The following IDH1 variants were observed in gnomAD, a reference collection of about 807,000 sequenced individuals.
The protein encoded by IDH1 is isocitrate dehydrogenase (NADP(+)) 1.
Under a neutral mutation model 46.1 loss-of-function variants are expected in IDH1, and 33 were observed. That is an observed-to-expected ratio of 0.72 (90% CI 0.54 to 0.96). The LOEUF (loss-of-function observed/expected upper bound fraction) is 0.96. IDH1 is among the 40% of genes least tolerant of loss of function. The pLI, the probability that IDH1 is intolerant of heterozygous loss-of-function variation, is 0.00. For synonymous variants in IDH1, 144 were observed against 172.8 expected (o/e 0.83, Z 1.31); for missense variants, 421 against 515.7 (o/e 0.82, Z 1.78).
At chr2:208,241,903 T>G (rs1338960067) in intron 7 of IDH1, 91 bp downstream of exon 7, 3 of 1,343,580 alleles carry the variant, frequency 2.2e-6, no homozygotes, top group Non-Finnish European at 3.2e-6. Flanking sequence ...TTCCAAGATT[T>G]TACAACAAAG....
rs373716006 is a variant in IDH1, at chr2:208,237,212, A to C, written c.1155-43T>G. On this transcript the variant is annotated intron_variant, in intron 9 of 9. Transcript: ENST00000345146. ...AAAAAGAAAATTTAGTTGGTCTCTGATATGGTAGCAGGTAGTGGTAAAGTC... is the reference window on the plus strand; with the variant it reads ...AAAAAGAAAATTTAGTTGGTCTCTGCTATGGTAGCAGGTAGTGGTAAAGTC... The C allele has an allele frequency of 6.9e-6, 7 of 1,021,818 alleles. No homozygotes were observed. The African/African-American group carries it at 9.5e-5, about 14-fold the overall frequency. 63.3% of individuals were successfully genotyped at this position (1,021,818 alleles called of 1,614,324 possible). A position where few individuals can be genotyped will look rare whatever the true frequency, so the allele number is the denominator to read the frequency against.
intron 4 of IDH1, among the ~76,000 whole-genome samples, chr2:208,246,385 T>C (rs553278475): frequency 6.6e-6 from 1 of 152,232 alleles, no homozygotes. Context: ...GAGCAGTAAG[T>C]AACAATAAAG....
intron 4 of IDH1, among the ~76,000 whole-genome samples, chr2:208,245,783 C>CT (rs1248545198): frequency 2.6e-5 from 1 of 38,274 alleles, no homozygotes; most frequent in African/African-American, 6.0e-5. Flanking sequence ...TATTAGACCC[C>CT]CCCCCCAAAA....
Position 208,237,156 on chromosome 2 carries a change from CAG to C in IDH1, c.1166_1167del (p.Ser389Ter). The C allele has an allele frequency of 6.3e-7, 1 of 1,593,100 alleles. No homozygotes were observed. ...CIKGLPNVQRSDYLNTFEFMD... is the reference protein window; with the variant it reads ...CIKGLPNVQRXDYLNTFEFMD... ...ATGAACTCAAATGTATTCAAGTAGTCAGAACGTTGCACACTAACGGGAAGGAA... is the reference window on the plus strand; with the variant it reads ...ATGAACTCAAATGTATTCAAGTAGTCAACGTTGCACACTAACGGGAAGGAA... On this transcript the variant is annotated frameshift_variant, in exon 10 of 10. Coordinates refer to ENST00000345146, the MANE Select transcript of IDH1 (RefSeq NM_005896.4). LOFTEE classifies it high-confidence loss of function.
intron 3 of IDH1, 129 bp from the exon 4 acceptor site, chr2:208,248,789 G>A: frequency 1.2e-6 from 1 of 800,248 alleles, no homozygotes; most frequent in Non-Finnish European, 2.1e-6. Flanking sequence ...AATCTGCCAA[G>A]TTTTAGCACT....
rs2124843376 is a variant in IDH1, at chr2:208,236,633, A to C, written c.*446T>G. On this transcript the variant is annotated 3_prime_UTR_variant, in exon 10 of 10. Transcript: ENST00000345146. ...CAAGTTTAATGCACAGCTCTACCTC[A>C]CAAAACGGGATATCTATGACACCAG... 3.8e-6 allele frequency: 1 copy of C among 262,060 alleles called. No individual in the cohort carries two copies. The highest frequency in any genetic ancestry group is 1.1e-4 in the South Asian group (1 of 9,346). The allele number at this position is 262,060 out of a possible 1,614,324, so 16.2% of individuals were successfully genotyped here. A position where few individuals can be genotyped will look rare whatever the true frequency, so the allele number is the denominator to read the frequency against.
At chr2:208,242,201 A>G (rs1160497228) in intron 6 of IDH1, 56 bp from the exon 7 acceptor site, 1 of 1,516,288 alleles carries the variant, frequency 6.6e-7, no homozygotes, top group Non-Finnish European at 9.1e-7. Flanking sequence ...TTTGTTAGGG[A>G]TATCATCTGC....
At chr2:208,242,866 G>A (rs1186928011) in intron 6 of IDH1, among the ~76,000 whole-genome samples, 2 of 151,500 alleles carry the variant, frequency 1.3e-5, no homozygotes, top group Non-Finnish European at 1.5e-5. Flanking sequence ...CCGGGTTCAC[G>A]CCATTCTCCT....
At chr2:208,248,235 T>G (rs1314969362) in intron 4 of IDH1, 134 bp downstream of exon 4, 5 of 735,636 alleles carry the variant, frequency 6.8e-6, no homozygotes, top group Non-Finnish European at 1.2e-5. Context: ...TATACATATA[T>G]GCATTTCTCA....
intron 6 of IDH1, among the ~76,000 whole-genome samples, chr2:208,243,114 C>G (rs1250956049): frequency 6.6e-6 from 1 of 152,152 alleles, no homozygotes; most frequent in African/African-American, 2.4e-5. Context: ...GGAAATGGGT[C>G]TGACTTAGAA....
rs760014854 is a variant in IDH1, at chr2:208,251,411, G to C, written c.122+19C>G. ...ATTATCCTTTCTGAGTTTGCTACACGGAGGGGTAACTCATTTACCTATGTA... is the reference window on the plus strand; with the variant it reads ...ATTATCCTTTCTGAGTTTGCTACACCGAGGGGTAACTCATTTACCTATGTA... On this transcript the variant is annotated intron_variant, in intron 3 of 9. Transcript: ENST00000345146. 19 of 1,611,776 alleles carry C rather than the reference G, an allele frequency of 1.2e-5. No homozygotes were observed. The South Asian group carries it at 1.8e-4, about 15-fold the overall frequency.
chr2:208,240,299 A>T (rs1251716791), intron 7 of IDH1: 1 of 400,862 alleles, frequency 2.5e-6, no homozygotes, highest in Non-Finnish European at 4.7e-6. Flanking sequence ...ATGACTTCAT[A>T]GCTACTGCGG....
chr2:208,237,823 G>A (rs1687841347), intron 9 of IDH1, among the ~76,000 whole-genome samples: 1 of 151,178 alleles, frequency 6.6e-6, no homozygotes, highest in African/African-American at 2.4e-5. Context: ...CTACTTGGGA[G>A]GCTGAGGCAG....
At chr2:208,254,910 C>G (rs1688186599) in intron 1 of IDH1, 29 bp downstream of exon 1, 1 of 152,420 alleles carries the variant, frequency 6.6e-6, no homozygotes, top group South Asian at 2.1e-4. Flanking sequence ...AGCCAGGGAC[C>G]GGGGCCGCCC....
chr2:208,240,973 AG>A (rs940758441), intron 7 of IDH1, among the ~76,000 whole-genome samples: 1 of 152,226 alleles, frequency 6.6e-6, no homozygotes, highest in African/African-American at 2.4e-5. Flanking sequence ...AGACAGAAAA[AG>A]TAGTACTTCT....
At position 208,251,361 on chromosome 2, in the gene IDH1, C is replaced by T. The variant is rs533711178; in HGVS notation, c.122+69G>A. On this transcript the variant is annotated intron_variant, in intron 3 of 9. Transcript: ENST00000345146. ...TGCCTCCTAAGTAGCTGGGACTTCA[C>T]GTGTGCACCACCATGCCCAGCCAGA... 28 of 1,565,068 alleles carry T rather than the reference C, an allele frequency of 1.8e-5. 1 individual carries two copies. Among genetic ancestry groups the T allele is most frequent in the African/African-American group, 9.5e-5 (7 of 73,732 alleles).
rs530450674 is a variant in IDH1, at chr2:208,247,993, A to C, written c.414+376T>G. ...AACAAATCAAGCAAAGCAAAACAAA[A>C]CCACCAAAAAAACTTGTAAGGGGAT... On this transcript the variant is annotated intron_variant, in intron 4 of 9. Transcript: ENST00000345146. 2.7e-3 allele frequency: 704 copies of C among 260,758 alleles called. 4 individuals are homozygous for C. Among genetic ancestry groups the C allele is most frequent in the African/African-American group, 0.014 (610 of 43,434 alleles). The allele number at this position is 260,758 out of a possible 1,614,324, so 16.2% of individuals were successfully genotyped here. A position where few individuals can be genotyped will look rare whatever the true frequency, so the allele number is the denominator to read the frequency against.
At chr2:208,242,823 G>A (rs1210500570) in intron 6 of IDH1, among the ~76,000 whole-genome samples, 1 of 149,900 alleles carries the variant, frequency 6.7e-6, no homozygotes, top group Non-Finnish European at 1.5e-5. Context: ...GCAGTGCAGT[G>A]GCGTGATTTC....
chr2:208,236,912 C>A lies in IDH1; in HGVS notation c.*167G>T. 1 of 599,094 alleles carries A rather than the reference C, an allele frequency of 1.7e-6. No homozygotes were observed. The highest frequency in any genetic ancestry group is 2.1e-5 in the South Asian group (1 of 48,100). The allele number at this position is 599,094 out of a possible 1,614,324, so 37.1% of individuals were successfully genotyped here. A position where few individuals can be genotyped will look rare whatever the true frequency, so the allele number is the denominator to read the frequency against. ...GCCATGTTCACAAAGGTGGCAATAA[C>A]TGTATATATAAGAAAAAGGCTGTAA... On this transcript the variant is annotated 3_prime_UTR_variant, in exon 10 of 10. Transcript: ENST00000345146.
Sources: allele counts gnomAD v4.1 joint callset (sites outside exome capture counted in the v4.1 genomes callset), GRCh38; gene constraint gnomAD v4.1.1; transcripts MANE v1.5; gene names NCBI Gene and HGNC (gene_info 2026-07-23, HGNC 2026-07-21).